The following PZP variants were observed in gnomAD, a reference collection of about 807,000 sequenced individuals.
PZP encodes the protein pregnancy zone protein.
A neutral mutation model predicts 179.8 loss-of-function variants in PZP; 150 were observed. The ratio of observed to expected loss-of-function variants is 0.83; its 90% CI spans 0.73 to 0.96. The LOEUF is 0.96. Among genes scored for constraint, PZP ranks in the 40% least tolerant of loss-of-function variants. The pLI, the probability that PZP is intolerant of heterozygous loss-of-function variation, is 0.00. For missense variants in PZP, 1,689 were observed against 1,764.0 expected (o/e 0.96, Z 0.76); for synonymous variants, 624 against 652.3 (o/e 0.96, Z 0.66).
intron 35 of PZP, 65 bp from the exon 36 acceptor site, chr12:9,149,059 G>A (rs1444002346): frequency 2.8e-6 from 4 of 1,443,956 alleles, no homozygotes; most frequent in East Asian, 4.5e-5. Context: ...GTTGAGTGTG[G>A]GCAGCAGAGT....
intron 15 of PZP, among the ~76,000 whole-genome samples, chr12:9,177,225 G>C (rs1942430973): frequency 6.6e-6 from 1 of 152,208 alleles, no homozygotes; most frequent in Non-Finnish European, 1.5e-5. Flanking sequence ...TAGCACTCTT[G>C]GAACGCATTA....
At chr12:9,171,252 G>A (rs1283298625) in intron 15 of PZP, among the ~76,000 whole-genome samples, 3 of 152,132 alleles carry the variant, frequency 2.0e-5, no homozygotes, top group Non-Finnish European at 4.4e-5. Flanking sequence ...GCAAACCTCA[G>A]CAGCCCTATG....
chr12:9,157,623 G>GCATCAA (rs1353870640), intron 27 of PZP, 144 bp downstream of exon 27: 1 of 764,920 alleles, frequency 1.3e-6, no homozygotes, highest in Non-Finnish European at 2.1e-6. Context: ...CTCTCTTAAT[G>GCATCAA]CATCAACCAA....
chr12:9,138,363 G>C, the PZP span, among the ~76,000 whole-genome samples: 1 of 151,760 alleles, frequency 6.6e-6, no homozygotes, highest in Non-Finnish European at 1.5e-5. Flanking sequence ...ATACTACTTG[G>C]TCATGATGTA....
In PZP at chr12:9,168,877, T is replaced by C; in HGVS notation, c.2099A>G (p.Tyr700Cys). 1 of 1,612,330 alleles carries C rather than the reference T, an allele frequency of 6.2e-7. No homozygotes were observed. The highest frequency in any genetic ancestry group is 8.5e-7 in the Non-Finnish European group (1 of 1,178,660). Residue 700 changes from tyrosine (Y) to cysteine (C), a missense_variant, in exon 17 of 36, where the codon TAC becomes TGC. Tyr to Cys is a radical substitution (Grantham distance 194). Transcript: ENST00000261336. ...SVSAGAVGQG[Y>C]YGAGLGVVER... ...GCAAATTGCTGTTTTACCTCCATAG[T>C]ATCCTTGACCTACTGCTCCTGCAGA...
At chr12:9,145,396 G>C (rs1939957373), downstream of PZP, among the ~76,000 whole-genome samples, 1 of 152,146 alleles carries the variant, frequency 6.6e-6, no homozygotes, top group South Asian at 2.1e-4. Flanking sequence ...AGTTATAGCA[G>C]TCTGTTTTAA....
chr12:9,159,195 T>C (rs956208267), intron 25 of PZP, among the ~76,000 whole-genome samples: 2 of 152,124 alleles, frequency 1.3e-5, no homozygotes, highest in African/African-American at 4.8e-5. Flanking sequence ...GGGGGCAAGT[T>C]ACAAACCTAT....
intron 13 of PZP, among the ~76,000 whole-genome samples, chr12:9,186,488 G>A (rs1273084262): frequency 1.3e-5 from 2 of 152,150 alleles, no homozygotes; most frequent in Non-Finnish European, 2.9e-5. Context: ...AGACTCAGTG[G>A]TATGCCGTCT....
intron 26 of PZP, 122 bp from the exon 27 acceptor site, chr12:9,157,963 C>T (rs1940883725): frequency 3.5e-6 from 3 of 847,070 alleles, no homozygotes; most frequent in Non-Finnish European, 5.7e-6. Flanking sequence ...TTCCTTCTCT[C>T]TCTCTCTCTC....
downstream of PZP, among the ~76,000 whole-genome samples, chr12:9,144,616 A>G (rs1939908542): frequency 6.6e-6 from 1 of 152,186 alleles, no homozygotes; most frequent in Non-Finnish European, 1.5e-5. Context: ...CTTCTGGCCA[A>G]TTTTAGTCAG....
At position 9,181,002 on chromosome 12, in the gene PZP, G is replaced by C. The variant is rs765795584; in HGVS notation, c.1820C>G (p.Ala607Gly). The change falls in exon 15 of 36, where the codon GCT (alanine) becomes GGT (glycine). Residue 607 changes from alanine to glycine, a missense_variant. Ala to Gly is a moderately conservative substitution (Grantham distance 60). Transcript: ENST00000261336. ...ACTCACTGAGGACACAGAGAGCTCA[G>C]CCTCAGGCTTCATGAGCAGCACACT... is the stretch of plus-strand genomic sequence containing the variant. ...DQSVLLMKPE[A>G]ELSVSSVYNL... 1.2e-6 allele frequency: 2 copies of C among 1,613,876 alleles called. No homozygotes were observed. The highest frequency in any genetic ancestry group is 2.2e-5 in the South Asian group (2 of 91,016).
intron 15 of PZP, among the ~76,000 whole-genome samples, chr12:9,179,441 T>C (rs1484186846): frequency 6.6e-6 from 1 of 152,190 alleles, no homozygotes; most frequent in Admixed American, 6.5e-5. Flanking sequence ...ATGCCAAGTG[T>C]CACCCCCATG....
At position 9,160,379 on chromosome 12, in the gene PZP, T is replaced by G; in HGVS notation, c.2984A>C (p.Tyr995Ser). The change falls in exon 24 of 36, where the codon TAT (tyrosine) becomes TCT (serine). Residue 995 changes from tyrosine (Y) to serine (S), a missense_variant. By Grantham distance (144) the Tyr-to-Ser change is moderately radical. Coordinates refer to ENST00000261336, the MANE Select transcript of PZP (RefSeq NM_002864.3). The part of the protein sequence containing the change: ...LFAPNIYVLN[Y>S]LNETQQLTQE... The stretch of plus-strand genomic sequence containing the variant: ...CGTCAGCTGCTGGGTTTCATTCAGA[T>G]AGTTCAAGACATAGATGTTAGGAGC... The G allele has an allele frequency of 6.2e-7, 1 of 1,614,180 alleles. No individual in the cohort carries two copies. The highest frequency in any genetic ancestry group is 8.5e-7 in the Non-Finnish European group (1 of 1,180,018).
the PZP span, among the ~76,000 whole-genome samples, chr12:9,138,139 A>G: frequency 1.9e-4 from 29 of 152,020 alleles, 1 homozygote; most frequent in Admixed American, 1.9e-3. Flanking sequence ...GTTGAGTCTG[A>G]TATTATCTAT....
chr12:9,196,298 T>A, intron 10 of PZP, 32 bp downstream of exon 10: 1 of 1,487,040 alleles, frequency 6.7e-7, no homozygotes, highest in Non-Finnish European at 9.4e-7. Flanking sequence ...AACTGGATAC[T>A]TTGCTTACCT....
Position 9,192,249 on chromosome 12 carries a change from G to T in PZP, c.1490C>A (p.Ala497Asp). ...SELSFHYLIM[A>D]KGVIVRSGTH... ...TCCAGATCTGACGATGACTCCCTTA[G>T]CCATGATCTGAAATGAAAAAACAGT... The change falls in exon 13 of 36, where the codon GCT becomes GAT. Residue 497 changes from alanine to aspartate, a missense_variant. By Grantham distance (126) the Ala-to-Asp change is moderately radical. This residue lies in a region of PZP where 742 missense variants were observed against 730.5 expected (regional missense o/e 1.02). Transcript: ENST00000261336. 2 of 1,613,946 alleles carry T rather than the reference G, an allele frequency of 1.2e-6. No homozygotes were observed. Among genetic ancestry groups the T allele is most frequent in the Non-Finnish European group, 1.7e-6 (2 of 1,179,842 alleles).
intron 21 of PZP, 148 bp from the exon 22 acceptor site, chr12:9,162,796 G>A (rs1941302511): frequency 1.5e-6 from 1 of 668,166 alleles, no homozygotes. Context: ...TTAAGTTCAA[G>A]GGGACATGTG....
chr12:9,207,369 GAAGAAATGTA>G (rs1944488796), intron 1 of PZP, among the ~76,000 whole-genome samples: 1 of 152,210 alleles, frequency 6.6e-6, no homozygotes, highest in African/African-American at 2.4e-5. Flanking sequence ...CCATTCTCTG[GAAGAAATGTA>G]AAGGCAGCTG....
intron 15 of PZP, among the ~76,000 whole-genome samples, chr12:9,174,691 T>C (rs1942242826): frequency 6.6e-6 from 1 of 152,080 alleles, no homozygotes; most frequent in Admixed American, 6.5e-5. Context: ...ATCCAAATCA[T>C]GAATGAACTC....
Sources: allele counts gnomAD v4.1 joint callset (sites outside exome capture counted in the v4.1 genomes callset), GRCh38; gene constraint gnomAD v4.1.1; regional missense constraint gnomAD v4.1.1; transcripts MANE v1.5; gene names NCBI Gene and HGNC (gene_info 2026-07-23, HGNC 2026-07-21).